The following SLC39A11 variants were observed in gnomAD, a reference collection of about 807,000 sequenced individuals.
SLC39A11 encodes solute carrier family 39 member 11, also known as zinc transporter ZIP11.
SLC39A11 carries 33 observed loss-of-function variants against 36.1 expected under a neutral mutation model. The observed-to-expected ratio is 0.91, with a 90% CI of 0.69 to 1.22. The LOEUF (loss-of-function observed/expected upper bound fraction) is 1.22. Among genes scored for constraint, SLC39A11 ranks in the 50% most tolerant of loss-of-function variants. SLC39A11 has a pLI of 0.00. For synonymous variants in SLC39A11, 166 were observed against 170.3 expected (o/e 0.97, Z 0.20); for missense variants, 432 against 430.3 (o/e 1.00, Z -0.03).
intron 7 of SLC39A11, among the ~76,000 whole-genome samples, chr17:72,659,657 A>C (rs1041399164): frequency 1.3e-4 from 17 of 135,698 alleles, no homozygotes; most frequent in Non-Finnish European, 7.5e-5. Context: ...ATCTTGGGTC[A>C]CTGCAACCTC....
intron 5 of SLC39A11, among the ~76,000 whole-genome samples, chr17:72,909,827 C>A (rs147993025): frequency 2.0e-5 from 3 of 151,274 alleles, no homozygotes; most frequent in Admixed American, 6.6e-5. Flanking sequence ...CTCACTGCAA[C>A]CTCCGCTTCC....
At chr17:72,845,289 G>A (rs937010647) in intron 6 of SLC39A11, among the ~76,000 whole-genome samples, 5 of 152,340 alleles carry the variant, frequency 3.3e-5, no homozygotes, top group African/African-American at 1.2e-4. Flanking sequence ...TAAAGGAGGG[G>A]CTGACATCCC....
Position 72,748,237 on chromosome 17 carries a change from G to A in SLC39A11, c.602-11518C>T, listed in dbSNP as rs1003916202. Among the ~76,000 whole-genome samples the A allele has an allele frequency of 3.3e-5, 5 of 151,762 alleles. No homozygotes were observed. In the East Asian group the frequency reaches 9.7e-4, roughly 29 times the overall value. On this transcript the variant is annotated intron_variant, in intron 6 of 9. Transcript: ENST00000255559. ...CTTGGGAGGGTTAGGCTGGAGAATC[G>A]CTTGAACACGGGAGGTGGAGGTTGC...
chr17:73,012,056 C>A (rs1249079210), intron 4 of SLC39A11, among the ~76,000 whole-genome samples: 1 of 147,698 alleles, frequency 6.8e-6, no homozygotes, highest in African/African-American at 2.5e-5. Flanking sequence ...GTGTAGATCA[C>A]CCGAGGTCAG....
chr17:72,938,162 C>T (rs1353617002), intron 5 of SLC39A11, among the ~76,000 whole-genome samples: 2 of 152,152 alleles, frequency 1.3e-5, no homozygotes, highest in Admixed American at 6.5e-5. Flanking sequence ...AGGGAAAATA[C>T]ACCAGAGAGA....
At chr17:72,814,790 G>C (rs905109681) in intron 6 of SLC39A11, among the ~76,000 whole-genome samples, 3 of 152,216 alleles carry the variant, frequency 2.0e-5, no homozygotes, top group Admixed American at 1.3e-4. Flanking sequence ...CCATCCCTGT[G>C]TATATTTCCA....
chr17:72,978,496 G>C (rs1201373044), intron 4 of SLC39A11, among the ~76,000 whole-genome samples: 1 of 152,228 alleles, frequency 6.6e-6, no homozygotes, highest in Non-Finnish European at 1.5e-5. Flanking sequence ...GGGGGGTCAG[G>C]GAGGAGCTTG....
intron 6 of SLC39A11, among the ~76,000 whole-genome samples, chr17:72,798,060 T>C (rs1025213169): frequency 6.6e-6 from 1 of 152,108 alleles, no homozygotes; most frequent in Non-Finnish European, 1.5e-5. Flanking sequence ...GCTGGAATCA[T>C]GCTGAGCCTT....
At chr17:73,004,950 C>A (rs1435593705) in intron 4 of SLC39A11, among the ~76,000 whole-genome samples, 1 of 152,200 alleles carries the variant, frequency 6.6e-6, no homozygotes, top group African/African-American at 2.4e-5. Flanking sequence ...CATAAGCACA[C>A]CGACCTAACC....
intron 3 of SLC39A11, among the ~76,000 whole-genome samples, chr17:73,064,555 C>T (rs2059941578): frequency 6.6e-6 from 1 of 152,132 alleles, no homozygotes; most frequent in Non-Finnish European, 1.5e-5. Context: ...CCAGACTCCC[C>T]ATCTGTGCTG....
chr17:73,088,964 C>T (rs2060835145), intron 1 of SLC39A11, among the ~76,000 whole-genome samples, 189 bp from the exon 2 acceptor site: 1 of 152,140 alleles, frequency 6.6e-6, no homozygotes, highest in Non-Finnish European at 1.5e-5. Flanking sequence ...TCCAGGTCCC[C>T]CAGGAACTGG....
At chr17:72,941,283 C>G (rs1039905351) in intron 5 of SLC39A11, among the ~76,000 whole-genome samples, 1 of 152,100 alleles carries the variant, frequency 6.6e-6, no homozygotes, top group African/African-American at 2.4e-5. Flanking sequence ...GATAAAAAGA[C>G]AGACCATGTG....
chr17:72,771,403 G>A (rs1019718397), intron 6 of SLC39A11, among the ~76,000 whole-genome samples: 15 of 151,594 alleles, frequency 9.9e-5, no homozygotes, highest in African/African-American at 3.4e-4. Context: ...AGGGAATGAC[G>A]AGGAGCCATG....
intron 5 of SLC39A11, among the ~76,000 whole-genome samples, chr17:72,892,792 G>A (rs981112480): frequency 1.3e-5 from 2 of 152,172 alleles, no homozygotes; most frequent in South Asian, 2.1e-4. Flanking sequence ...AGTGCAGTGA[G>A]AAACTGTTCA....
chr17:73,049,561 T>C (rs2059427205), intron 3 of SLC39A11, among the ~76,000 whole-genome samples: 1 of 152,106 alleles, frequency 6.6e-6, no homozygotes, highest in Non-Finnish European at 1.5e-5. Context: ...GCTTATTCAG[T>C]AAGAACTAAG....
intron 5 of SLC39A11, among the ~76,000 whole-genome samples, chr17:72,890,868 G>A (rs1178017066): frequency 1.3e-5 from 2 of 152,070 alleles, no homozygotes; most frequent in African/African-American, 4.8e-5. Context: ...CCCAAAGGGG[G>A]ACTGGTAAGA....
At chr17:73,045,353 C>T (rs992395348) in intron 3 of SLC39A11, among the ~76,000 whole-genome samples, 5 of 123,612 alleles carry the variant, frequency 4.0e-5, no homozygotes, top group Admixed American at 1.0e-4. Context: ...GACCAGTCAC[C>T]TAATTCTACC....
intron 4 of SLC39A11, among the ~76,000 whole-genome samples, chr17:72,995,813 A>C (rs2089471638): frequency 6.6e-6 from 1 of 152,126 alleles, no homozygotes; most frequent in Non-Finnish European, 1.5e-5. Flanking sequence ...AACAGATCTC[A>C]GCCTCCATAA....
At chr17:72,900,292 G>C (rs189789856) in intron 5 of SLC39A11, among the ~76,000 whole-genome samples, 128 of 152,168 alleles carry the variant, frequency 8.4e-4, no homozygotes, top group Admixed American at 1.6e-3. Context: ...ACTTCCCAGA[G>C]AGATACCATT....
Sources: gnomAD v4.1 joint callset for allele counts (sites outside exome capture counted in the v4.1 genomes callset) on GRCh38, gnomAD v4.1.1 for gene constraint, MANE v1.5 for transcripts, NCBI Gene and HGNC (gene_info 2026-07-23, HGNC 2026-07-21) for gene names.